Variants in ACOX2 observed in about 807,000 individuals in gnomAD.
ACOX2 encodes the protein acyl-CoA oxidase 2.
In ACOX2, 59 loss-of-function variants were observed where a neutral mutation model predicts 77.5. That is an observed-to-expected ratio of 0.76 (90% CI 0.62 to 0.95). The LOEUF (loss-of-function observed/expected upper bound fraction) is 0.95. ACOX2 is among the 40% of genes least tolerant of loss of function. The pLI is 0.00. For synonymous variants in ACOX2, 317 were observed against 340.1 expected (o/e 0.93, Z 0.75); for missense variants, 837 against 880.4 (o/e 0.95, Z 0.62).
chr3:58,530,655 C>G lies in ACOX2; in HGVS notation c.820-17G>C, dbSNP rs370633927. ...TGGCAAGACCTGTGTGGAACAAGGA[C>G]GGGCACAAGTTCTGGGCCAAGGCTT... is the stretch of plus-strand genomic sequence containing the variant. On this transcript the variant is annotated splice_polypyrimidine_tract_variant and intron_variant, in intron 7 of 14. Coordinates refer to ENST00000302819, the MANE Select transcript of ACOX2 (RefSeq NM_003500.4). 1 of 1,610,754 alleles carries G rather than the reference C, an allele frequency of 6.2e-7. No individual in the cohort carries two copies. Among genetic ancestry groups the G allele is most frequent in the South Asian group, 1.1e-5 (1 of 90,702 alleles).
chr3:58,535,638 C>T lies in ACOX2; in HGVS notation c.-91-441G>A, dbSNP rs991688198. Among the ~76,000 whole-genome samples, 1 of 152,050 alleles carries T rather than the reference C, an allele frequency of 6.6e-6. No individual in the cohort carries two copies. The highest frequency in any genetic ancestry group is 2.1e-4 in the South Asian group (1 of 4,826). ...CCACTGTGGAGGATTGCTGGGGGCA[C>T]CTTGGTCTCATTAAACTGCTCATAA... is the stretch of plus-strand genomic sequence containing the variant. On this transcript the variant is annotated intron_variant, in intron 1 of 14. Transcript: ENST00000302819. This position sits in a 1 kb window ranked among gnomAD's most constrained non-coding sequence, Gnocchi z 4.8.
At position 58,531,396 on chromosome 3, in the gene ACOX2, T is replaced by A. The variant is rs1195263002; in HGVS notation, c.704-30A>T. ...AAGGAGATGGAGATGAGGACACCTA[T>A]CAGTTGAGAGAGTGCTTGCTATGTG... On this transcript the variant is annotated intron_variant, in intron 6 of 14. Coordinates refer to ENST00000302819, the MANE Select transcript of ACOX2 (RefSeq NM_003500.4). The surrounding 1 kb of genome is among the most constrained non-coding windows in gnomAD (Gnocchi z 5.8). The A allele has an allele frequency of 6.3e-7, 1 of 1,591,608 alleles. No homozygotes were observed. Among genetic ancestry groups the A allele is most frequent in the Non-Finnish European group, 8.6e-7 (1 of 1,160,232 alleles).
Position 58,514,056 on chromosome 3 carries a change from G to A in ACOX2, c.1850+3150C>T, listed in dbSNP as rs1249447440. Among the ~76,000 whole-genome samples, 1 of 152,146 alleles carries A rather than the reference G, an allele frequency of 6.6e-6. No individual in the cohort carries two copies. The highest frequency in any genetic ancestry group is 2.4e-5 in the African/African-American group (1 of 41,422). The stretch of plus-strand genomic sequence containing the variant: ...TAAAGAACCCTGTGTTTTCTGAAGG[G>A]TAGCCTTATTATCAACTATACCTGA... On this transcript the variant is annotated intron_variant, in intron 13 of 14. Coordinates refer to ENST00000302819, the MANE Select transcript of ACOX2 (RefSeq NM_003500.4). The surrounding 1 kb of genome is among the most constrained non-coding windows in gnomAD (Gnocchi z 4.3).
At position 58,526,867 on chromosome 3, in the gene ACOX2, G is replaced by A. The variant is rs545485893; in HGVS notation, c.1156-211C>T. On this transcript the variant is annotated intron_variant, in intron 9 of 14. Coordinates refer to ENST00000302819, the MANE Select transcript of ACOX2 (RefSeq NM_003500.4). The surrounding 1 kb of genome is among the most constrained non-coding windows in gnomAD (Gnocchi z 4.3). ...CACAATTAGGCAATGTAGCTGTAGG[G>A]GCATAAGAGTGAAGGAAAACCTGGC... 3 of 529,000 alleles carry A rather than the reference G, an allele frequency of 5.7e-6. No individual in the cohort carries two copies. Among genetic ancestry groups the A allele is most frequent in the Non-Finnish European group, 9.9e-6 (3 of 303,702 alleles). 32.8% of individuals were successfully genotyped at this position (529,000 alleles called of 1,614,324 possible). A position where few individuals can be genotyped will look rare whatever the true frequency, so the allele number is the denominator to read the frequency against.
Position 58,526,481 on chromosome 3 carries a change from T to C in ACOX2, c.1331A>G (p.Tyr444Cys). Residue 444 changes from tyrosine to cysteine, a missense_variant, in exon 10 of 15, where the codon TAC (tyrosine) becomes TGC (cysteine). Coordinates refer to ENST00000302819, the MANE Select transcript of ACOX2 (RefSeq NM_003500.4). This position sits in a 1 kb window ranked among gnomAD's most constrained non-coding sequence, Gnocchi z 4.3. ...CTYEGENTVLYLQVARFLVKS... is the reference protein window; with the variant it reads ...CTYEGENTVLCLQVARFLVKS... Reference sequence around the variant, plus strand: ...TGGACCTTACCTGGCCACCTGCAGGTAGAGCACTGTGTTCTCACCCTCGTA... The same window carrying C: ...TGGACCTTACCTGGCCACCTGCAGGCAGAGCACTGTGTTCTCACCCTCGTA... 1 of 1,613,434 alleles carries C rather than the reference T, an allele frequency of 6.2e-7. No homozygotes were observed. Among genetic ancestry groups the C allele is most frequent in the Non-Finnish European group, 8.5e-7 (1 of 1,179,668 alleles).
rs116616864 is a variant in ACOX2, at chr3:58,524,712, C to G, written c.1347-107G>C. 21 of 1,267,180 alleles carry G rather than the reference C, an allele frequency of 1.7e-5. No individual in the cohort carries two copies. The African/African-American group carries it at 2.7e-4, about 16-fold the overall frequency. 78.5% of individuals were successfully genotyped at this position (1,267,180 alleles called of 1,614,324 possible). A position where few individuals can be genotyped will look rare whatever the true frequency, so the allele number is the denominator to read the frequency against. On this transcript the variant is annotated intron_variant, in intron 10 of 14. Transcript: ENST00000302819. The surrounding 1 kb of genome is among the most constrained non-coding windows in gnomAD (Gnocchi z 5.5). Reference sequence around the variant, plus strand: ...AGCTCATGCTAGGTTCCAGCCTTCCCGTGGGAGAGCCAGGTCACCAGGCCT... The same window carrying G: ...AGCTCATGCTAGGTTCCAGCCTTCCGGTGGGAGAGCCAGGTCACCAGGCCT...
In ACOX2 at chr3:58,505,162, A is replaced by G. The variant is rs2063224962; in HGVS notation, c.*62T>C. ...CTAATTTAAAATTTTAATGTTGCAT[A>G]TATGCCATAGTACCATTATCACATG... On this transcript the variant is annotated 3_prime_UTR_variant, in exon 15 of 15. Coordinates refer to ENST00000302819, the MANE Select transcript of ACOX2 (RefSeq NM_003500.4). The surrounding 1 kb of genome is among the most constrained non-coding windows in gnomAD (Gnocchi z 4.4). 7.4e-7 allele frequency: 1 copy of G among 1,350,042 alleles called. No individual in the cohort carries two copies. Among genetic ancestry groups the G allele is most frequent in the South Asian group, 1.3e-5 (1 of 75,832 alleles). 83.6% of individuals were successfully genotyped at this position (1,350,042 alleles called of 1,614,324 possible). A position where few individuals can be genotyped will look rare whatever the true frequency, so the allele number is the denominator to read the frequency against.
intron 5 of ACOX2, among the ~76,000 whole-genome samples, chr3:58,532,365 T>TC (rs1560220952): frequency 3.0e-4 from 45 of 151,866 alleles, no homozygotes; most frequent in African/African-American, 1.1e-3. Flanking sequence ...CTCTCTCTCT[T>TC]TTTTTTTCTT....
intron 14 of ACOX2, among the ~76,000 whole-genome samples, chr3:58,506,278 T>G (rs1329873151): frequency 2.0e-5 from 3 of 152,216 alleles, no homozygotes; most frequent in Non-Finnish European, 4.4e-5. Flanking sequence ...GATTTTTGTT[T>G]TGAAATTATC....
At position 58,526,713 on chromosome 3, in the gene ACOX2, A is replaced by G; in HGVS notation, c.1156-57T>C. 1 of 1,559,974 alleles carries G rather than the reference A, an allele frequency of 6.4e-7. No individual in the cohort carries two copies. On this transcript the variant is annotated intron_variant, in intron 9 of 14. Coordinates refer to ENST00000302819, the MANE Select transcript of ACOX2 (RefSeq NM_003500.4). The surrounding 1 kb of genome is among the most constrained non-coding windows in gnomAD (Gnocchi z 4.3). ...TTAGGGGGCCTCCACCATAGGGACC[A>G]ACCCTGTGCACCACTTACTGAGCAT...
Position 58,522,540 on chromosome 3 carries a change from C to G in ACOX2, c.1588G>C (p.Glu530Gln), listed in dbSNP as rs772660285. The G allele has an allele frequency of 5.6e-6, 9 of 1,614,058 alleles. No individual in the cohort carries two copies. Among genetic ancestry groups the G allele is most frequent in the Admixed American group, 5.0e-5 (3 of 59,994 alleles). ...ATGACAGTGGTCTGGTTCCAAGCCTCGTGCTGGTCAGCTCCGGATTGCGTC... is the reference window on the plus strand; with the variant it reads ...ATGACAGTGGTCTGGTTCCAAGCCTGGTGCTGGTCAGCTCCGGATTGCGTC... ...TLTQSGADQHEAWNQTTVIHL... is the reference protein window; with the variant it reads ...TLTQSGADQHQAWNQTTVIHL... Residue 530 changes from glutamate to glutamine, a missense_variant, in exon 12 of 15, where the codon GAG becomes CAG. By Grantham distance (29) the Glu-to-Gln change is conservative. Transcript: ENST00000302819. This position sits in a 1 kb window ranked among gnomAD's most constrained non-coding sequence, Gnocchi z 4.3.
Position 58,534,318 on chromosome 3 carries a change from A to G in ACOX2, c.323+42T>C. On this transcript the variant is annotated intron_variant, in intron 3 of 14. Transcript: ENST00000302819. The surrounding 1 kb of genome is among the most constrained non-coding windows in gnomAD (Gnocchi z 4.8). ...GGCTAGGGGGTTTCCAGGTGATCCC[A>G]GGTAGATCCCTCTCTAGTGGGGCTG... is the stretch of plus-strand genomic sequence containing the variant. 1 of 1,610,272 alleles carries G rather than the reference A, an allele frequency of 6.2e-7. No individual in the cohort carries two copies. The highest frequency in any genetic ancestry group is 2.2e-5 in the East Asian group (1 of 44,862).
intron 13 of ACOX2, chr3:58,510,850 A>G (rs1338852643): frequency 1.6e-5 from 6 of 387,092 alleles, no homozygotes; most frequent in Admixed American, 1.5e-4. Flanking sequence ...ACATGGCTGG[A>G]AAAAACAATC....
Position 58,524,742 on chromosome 3 carries a change from C to T in ACOX2, c.1347-137G>A. On this transcript the variant is annotated intron_variant, in intron 10 of 14. Transcript: ENST00000302819. The surrounding 1 kb of genome is among the most constrained non-coding windows in gnomAD (Gnocchi z 5.5). ...GAGAGCCAGGTCACCAGGCCTCTGCCTGGCCTCCCTCCTGAGGGTTCCCCC... is the reference window on the plus strand; with the variant it reads ...GAGAGCCAGGTCACCAGGCCTCTGCTTGGCCTCCCTCCTGAGGGTTCCCCC... The T allele has an allele frequency of 1.0e-6, 1 of 978,724 alleles. No homozygotes were observed. Among genetic ancestry groups the T allele is most frequent in the Non-Finnish European group, 1.5e-6 (1 of 673,470 alleles). 60.6% of individuals were successfully genotyped at this position (978,724 alleles called of 1,614,324 possible).
intron 12 of ACOX2, among the ~76,000 whole-genome samples, chr3:58,518,648 C>G (rs2107995887): frequency 6.6e-6 from 1 of 152,234 alleles, no homozygotes; most frequent in Middle Eastern, 3.4e-3. Flanking sequence ...ATTGTTTTTT[C>G]TGAGATAGAA....
rs1476440553 is a variant in ACOX2, at chr3:58,523,824, TG to T, written c.1526+601del. Among the ~76,000 whole-genome samples the T allele has an allele frequency of 6.6e-6, 1 of 152,172 alleles. No individual in the cohort carries two copies. The highest frequency in any genetic ancestry group is 1.5e-5 in the Non-Finnish European group (1 of 68,022). ...GGTAGTTAAACCTCCATCTTTTCCATGGTGGTATGTGTGTTTGGTCAGGACC... is the reference window on the plus strand; with the variant it reads ...GGTAGTTAAACCTCCATCTTTTCCATGTGGTATGTGTGTTTGGTCAGGACC... On this transcript the variant is annotated intron_variant, in intron 11 of 14. Transcript: ENST00000302819. The surrounding 1 kb of genome is among the most constrained non-coding windows in gnomAD (Gnocchi z 5.3).
chr3:58,531,683 A>G lies in ACOX2; in HGVS notation c.703+10T>C. 1 of 1,613,370 alleles carries G rather than the reference A, an allele frequency of 6.2e-7. No homozygotes were observed. The highest frequency in any genetic ancestry group is 1.7e-5 in the Admixed American group (1 of 59,936). On this transcript the variant is annotated intron_variant, in intron 6 of 14. Coordinates refer to ENST00000302819, the MANE Select transcript of ACOX2 (RefSeq NM_003500.4). The surrounding 1 kb of genome is among the most constrained non-coding windows in gnomAD (Gnocchi z 5.8). ...TGGCAGGGTTCCTTGAGGGAGCATT[A>G]TGGGCTTACCTGGCAGTGGGGTGTG...
Position 58,535,344 on chromosome 3 carries a change from G to C in ACOX2, c.-91-147C>G. On this transcript the variant is annotated intron_variant, in intron 1 of 14. Transcript: ENST00000302819. The surrounding 1 kb of genome is among the most constrained non-coding windows in gnomAD (Gnocchi z 4.8). ...GGACCAGGCACTGTGTGCATGGTAGGCATGGTATGCAGCCATTGCTTGGTA... is the reference window on the plus strand; with the variant it reads ...GGACCAGGCACTGTGTGCATGGTAGCCATGGTATGCAGCCATTGCTTGGTA... 1 of 568,228 alleles carries C rather than the reference G, an allele frequency of 1.8e-6. No individual in the cohort carries two copies. The highest frequency in any genetic ancestry group is 3.1e-6 in the Non-Finnish European group (1 of 317,760). The allele number at this position is 568,228 out of a possible 1,614,324, so 35.2% of individuals were successfully genotyped here. A position where few individuals can be genotyped will look rare whatever the true frequency, so the allele number is the denominator to read the frequency against.
intron 12 of ACOX2, among the ~76,000 whole-genome samples, 200 bp from the exon 13 acceptor site, chr3:58,517,623 A>C (rs529707598): frequency 2.8e-5 from 2 of 71,080 alleles, no homozygotes; most frequent in Non-Finnish European, 5.7e-5. Context: ...TGGGGGGGGG[A>C]GCGGGGACGG....
Sources: allele counts gnomAD v4.1 joint callset (sites outside exome capture counted in the v4.1 genomes callset), GRCh38; gene constraint gnomAD v4.1.1; non-coding constraint Gnocchi (gnomAD v3.1); transcripts MANE v1.5; gene names NCBI Gene and HGNC (gene_info 2026-07-23, HGNC 2026-07-21).